The following HNF1B variants were observed in gnomAD, a reference collection of about 807,000 sequenced individuals.
The protein encoded by HNF1B is hepatocyte nuclear factor 1-beta.
HNF1B carries 8 observed loss-of-function variants against 61.7 expected under a neutral mutation model. The ratio of observed to expected loss-of-function variants is 0.13; its 90% CI spans 0.08 to 0.23. The LOEUF (loss-of-function observed/expected upper bound fraction) is 0.23. Among genes scored for constraint, HNF1B ranks in the 10% least tolerant of loss-of-function variants. HNF1B has a pLI of 1.00. For synonymous variants in HNF1B, 314 were observed against 287.7 expected (o/e 1.09, Z -0.93); for missense variants, 562 against 714.5 (o/e 0.79, Z 2.43).
intron 8 of HNF1B, among the ~76,000 whole-genome samples, chr17:37,690,911 C>G (rs74633618): frequency 1.5e-3 from 232 of 152,328 alleles, no homozygotes; most frequent in African/African-American, 5.3e-3. Context: ...GGCGTGTACA[C>G]TTGACCTAAA....
chr17:37,717,496 A>G (rs1199364248), intron 4 of HNF1B, among the ~76,000 whole-genome samples: 3 of 152,194 alleles, frequency 2.0e-5, no homozygotes, highest in Non-Finnish European at 1.5e-5. Context: ...GGTAATAACT[A>G]TGTTCATTGT....
At chr17:37,711,885 C>T (rs1012291100) in intron 4 of HNF1B, among the ~76,000 whole-genome samples, 1 of 152,162 alleles carries the variant, frequency 6.6e-6, no homozygotes, top group Non-Finnish European at 1.5e-5. Context: ...CACCCCCTGC[C>T]CTAGCTAGAG....
At chr17:37,715,457 T>C (rs1036310487) in intron 4 of HNF1B, among the ~76,000 whole-genome samples, 1 of 152,220 alleles carries the variant, frequency 6.6e-6, no homozygotes. Context: ...ATATTGGGGA[T>C]AATTTGAGTG....
chr17:37,717,931 A>C (rs1215855171), intron 4 of HNF1B, among the ~76,000 whole-genome samples: 1 of 152,216 alleles, frequency 6.6e-6, no homozygotes, highest in Non-Finnish European at 1.5e-5. Context: ...AAGCTGATGC[A>C]AGATGAAAGC....
At chr17:37,726,738 G>A (rs959630163) in intron 4 of HNF1B, among the ~76,000 whole-genome samples, 9 of 152,302 alleles carry the variant, frequency 5.9e-5, no homozygotes, top group East Asian at 1.9e-4. Context: ...GAGGAATAGA[G>A]TTCAGCGAAA....
chr17:37,706,255 A>G (rs538328638), intron 5 of HNF1B, among the ~76,000 whole-genome samples: 1 of 152,270 alleles, frequency 6.6e-6, no homozygotes, highest in Admixed American at 6.5e-5. Context: ...CACTGTGCCC[A>G]GCCTCAAAAT....
intron 2 of HNF1B, among the ~76,000 whole-genome samples, chr17:37,738,310 A>G (rs1250780056): frequency 3.3e-5 from 5 of 152,222 alleles, no homozygotes; most frequent in Admixed American, 3.3e-4. Flanking sequence ...CACAAACACC[A>G]CAATATGAAA....
chr17:37,694,191 GCTGAGGCAGGTGGATCAC>G (rs1189840496), intron 8 of HNF1B, among the ~76,000 whole-genome samples: 1 of 152,180 alleles, frequency 6.6e-6, no homozygotes, highest in Admixed American at 6.5e-5. Flanking sequence ...ACTTTGGGAG[GCTGAGGCAGGTGGATCAC>G]CTGAGGTCAG....
rs2031978772 is a variant in HNF1B, at chr17:37,686,653, A to T, written c.*719T>A. 6.3e-6 allele frequency: 1 copy of T among 157,970 alleles called. No homozygotes were observed. Among genetic ancestry groups the T allele is most frequent in the Admixed American group, 5.9e-5 (1 of 17,058 alleles). 9.8% of individuals were successfully genotyped at this position (157,970 alleles called of 1,614,324 possible). ...AGGAGACTGGAGTTAGCTGGTAGTC[A>T]GTCCAAGGTATGCTGTCCCCATAAG... On this transcript the variant is annotated 3_prime_UTR_variant, in exon 9 of 9. Transcript: ENST00000617811.
chr17:37,729,488 A>C (rs1305182983), intron 4 of HNF1B: 3 of 151,634 alleles, frequency 2.0e-5, no homozygotes, highest in Non-Finnish European at 2.9e-5. Flanking sequence ...GATAATATTC[A>C]GTGTCCCATA....
chr17:37,694,481 G>A (rs1020694070), intron 8 of HNF1B, among the ~76,000 whole-genome samples: 1 of 131,772 alleles, frequency 7.6e-6, no homozygotes, highest in African/African-American at 3.0e-5. Flanking sequence ...TTGAAGATGT[G>A]GAAGCAGCTT....
chr17:37,744,929 C>T lies in HNF1B; in HGVS notation c.-45G>A, dbSNP rs1372835550. On this transcript the variant is annotated 5_prime_UTR_variant, in exon 1 of 9. Coordinates refer to ENST00000617811, the MANE Select transcript of HNF1B (RefSeq NM_000458.4). ...AAGGGGGTGAGGGGGTGGGTGGGTG[C>T]GAGAGAGGAGGGTGGAGGGGAGTTT... 3.6e-6 allele frequency: 5 copies of T among 1,395,624 alleles called. 1 individual carries two copies. Among genetic ancestry groups the T allele is most frequent in the South Asian group, 3.6e-5 (3 of 83,946 alleles). The allele number at this position is 1,395,624 out of a possible 1,614,324, so 86.5% of individuals were successfully genotyped here. A position where few individuals can be genotyped will look rare whatever the true frequency, so the allele number is the denominator to read the frequency against.
In HNF1B at chr17:37,701,130, C is replaced by A; in HGVS notation, c.1387G>T (p.Ala463Ser). The change falls in exon 7 of 9, where the codon GCC (alanine) becomes TCC (serine). Residue 463 changes from alanine (A) to serine (S), a missense_variant. By Grantham distance (99) the Ala-to-Ser change is moderately conservative. Around this residue, in one of 6 missense-constraint regions of HNF1B, gnomAD observed 211 missense variants for 200.7 expected, o/e 1.05. Coordinates refer to ENST00000617811, the MANE Select transcript of HNF1B (RefSeq NM_000458.4). ...AQSVPVINSV[A>S]GSLAALQPVQ... ...GGCTGCAGGGCTGCCAGGCTGCCGGCCACACTGTTGATGACAGGGACACTC... is the reference window on the plus strand; with the variant it reads ...GGCTGCAGGGCTGCCAGGCTGCCGGACACACTGTTGATGACAGGGACACTC... 1 of 1,552,122 alleles carries A rather than the reference C, an allele frequency of 6.4e-7. No homozygotes were observed. Among genetic ancestry groups the A allele is most frequent in the Non-Finnish European group, 8.7e-7 (1 of 1,147,612 alleles).
At chr17:37,739,959 TTA>T (rs2033945945) in intron 1 of HNF1B, among the ~76,000 whole-genome samples, 2 of 151,208 alleles carry the variant, frequency 1.3e-5, no homozygotes, top group African/African-American at 2.5e-5. Context: ...AATTAATTAA[TTA>T]ATTTATTTAT....
In HNF1B at chr17:37,687,095, C is replaced by T. The variant is rs969678409; in HGVS notation, c.*277G>A. On this transcript the variant is annotated 3_prime_UTR_variant, in exon 9 of 9. Transcript: ENST00000617811. Reference sequence around the variant, plus strand: ...CAGTACGGCTTTCTTGCTTCCTCTTCGGAGGTTCCTTGTCTCCCACCTCCA... The same window carrying T: ...CAGTACGGCTTTCTTGCTTCCTCTTTGGAGGTTCCTTGTCTCCCACCTCCA... 2.9e-5 allele frequency: 18 copies of T among 614,580 alleles called. No homozygotes were observed. Among genetic ancestry groups the T allele is most frequent in the East Asian group, 2.7e-4 (10 of 36,382 alleles). 38.1% of individuals were successfully genotyped at this position (614,580 alleles called of 1,614,324 possible).
In HNF1B at chr17:37,727,097, G is replaced by A. The variant is rs139488375; in HGVS notation, c.1045+4498C>T. 9.5e-4 allele frequency among the ~76,000 whole-genome samples: 145 copies of A among 152,248 alleles called. 1 individual carries two copies. The highest frequency in any genetic ancestry group is 3.2e-3 in the African/African-American group (134 of 41,558). ...AAGGCTAGCCAAGTTTCCATCCCGC[G>A]CCAACTTCCTCCTCCTCCTCCTCGA... On this transcript the variant is annotated intron_variant, in intron 4 of 8. Transcript: ENST00000617811.
chr17:37,735,191 C>T lies in HNF1B; in HGVS notation c.545-1370G>A, dbSNP rs117434517. 2.7e-3 allele frequency among the ~76,000 whole-genome samples: 418 copies of T among 152,296 alleles called. 9 individuals carry two copies. In the East Asian group the frequency reaches 0.057, roughly 21 times the overall value. Reference sequence around the variant, plus strand: ...GATGTAAATGATGTGCCATCATTTACATGCCATCCTTCCTGTTCCTTTGGA... The same window carrying T: ...GATGTAAATGATGTGCCATCATTTATATGCCATCCTTCCTGTTCCTTTGGA... On this transcript the variant is annotated intron_variant, in intron 2 of 8. Coordinates refer to ENST00000617811, the MANE Select transcript of HNF1B (RefSeq NM_000458.4).
intron 5 of HNF1B, among the ~76,000 whole-genome samples, chr17:37,705,799 T>A (rs2032727435): frequency 6.6e-6 from 1 of 152,152 alleles, no homozygotes. Flanking sequence ...TATTAAACAA[T>A]AACAGCTGTA....
intron 2 of HNF1B, among the ~76,000 whole-genome samples, chr17:37,735,487 T>C (rs151238791): frequency 2.2e-3 from 341 of 152,304 alleles, no homozygotes; most frequent in African/African-American, 6.4e-3. Flanking sequence ...TTTCGGCCCA[T>C]TCACCTTGGA....
Sources: allele counts gnomAD v4.1 joint callset (sites outside exome capture counted in the v4.1 genomes callset), GRCh38; gene constraint gnomAD v4.1.1; regional missense constraint gnomAD v4.1.1; transcripts MANE v1.5; gene names NCBI Gene and HGNC (gene_info 2026-07-23, HGNC 2026-07-21).